The following CLEC4C variants were observed in gnomAD, a reference collection of about 807,000 sequenced individuals.
CLEC4C encodes C-type (calcium dependent, carbohydrate-recognition domain) lectin, superfamily member 11.
A neutral mutation model predicts 27.7 loss-of-function variants in CLEC4C; 17 were observed. That is an observed-to-expected ratio of 0.61 (90% CI 0.42 to 0.92). The LOEUF (loss-of-function observed/expected upper bound fraction) is 0.92. Among genes scored for constraint, CLEC4C ranks in the 40% least tolerant of loss-of-function variants. The pLI is 0.00. For synonymous variants in CLEC4C, 80 were observed against 80.8 expected (o/e 0.99, Z 0.06); for missense variants, 244 against 257.3 (o/e 0.95, Z 0.35).
At chr12:7,738,882 A>G (rs1864788102) in intron 3 of CLEC4C, among the ~76,000 whole-genome samples, 3 of 152,264 alleles carry the variant, frequency 2.0e-5, no homozygotes, top group Middle Eastern at 3.4e-3. Context: ...TTACATATGT[A>G]TACATGTGCC....
intron 2 of CLEC4C, among the ~76,000 whole-genome samples, chr12:7,744,298 G>A (rs934933195): frequency 2.0e-5 from 3 of 152,214 alleles, no homozygotes; most frequent in Non-Finnish European, 2.9e-5. Context: ...TTTAACTTTA[G>A]TAATAATTCT....
rs138750028 is a variant in CLEC4C at position 7,744,232 on chromosome 12, A to G, written c.124+2099T>C. 5.6e-3 allele frequency among the ~76,000 whole-genome samples: 850 copies of G among 152,316 alleles called. 2 individuals carry two copies. Among genetic ancestry groups the G allele is most frequent in the Non-Finnish European group, 8.8e-3 (599 of 68,018 alleles). On this transcript the variant is annotated intron_variant, in intron 2 of 5. Transcript: ENST00000360345. Reference sequence around the variant, plus strand: ...TGGAAGGGACAACTATCCCAACCATATCACATCTTTAAGCCCTTTTGTCTC... The same window carrying G: ...TGGAAGGGACAACTATCCCAACCATGTCACATCTTTAAGCCCTTTTGTCTC...
intron 4 of CLEC4C, among the ~76,000 whole-genome samples, chr12:7,732,428 T>C (rs1864617885): frequency 6.6e-6 from 1 of 151,526 alleles, no homozygotes; most frequent in South Asian, 2.1e-4. Context: ...CTCGGCTCAC[T>C]GCAACCTCCA....
intron 3 of CLEC4C, among the ~76,000 whole-genome samples, chr12:7,741,060 C>T (rs1181469738): frequency 5.3e-5 from 8 of 152,178 alleles, no homozygotes; most frequent in Admixed American, 3.3e-4. Context: ...GATCTCCTGA[C>T]CTCGTGATCC....
rs1864540684 is a variant in CLEC4C, at chr12:7,729,565, C to T, written c.*31G>A. On this transcript the variant is annotated 3_prime_UTR_variant, in exon 6 of 6. Coordinates refer to ENST00000360345, the MANE Select transcript of CLEC4C (RefSeq NM_001371390.1). ...AGCTTTCTACAACGGTGGATGCCAA[C>T]CCAAACACATTTCCAGGGAGAATAT... The T allele has an allele frequency of 1.2e-6, 2 of 1,604,648 alleles. No individual in the cohort carries two copies. The highest frequency in any genetic ancestry group is 1.3e-5 in the African/African-American group (1 of 74,760).
At chr12:7,735,506 GAAAAA>G (rs74982387) in intron 4 of CLEC4C, among the ~76,000 whole-genome samples, 2 of 80,434 alleles carry the variant, frequency 2.5e-5, no homozygotes, top group Non-Finnish European at 4.7e-5. Context: ...CTGTCTCAAA[GAAAAA>G]AAAAAAAAAA....
upstream of CLEC4C, chr12:7,749,329 G>A (rs980665990): frequency 1.3e-5 from 2 of 151,864 alleles, no homozygotes; most frequent in South Asian, 2.1e-4. Flanking sequence ...TGAGGTGGGC[G>A]GATTGCTTCA....
At chr12:7,736,481 TCATTTTTC>T (rs1163964950) in intron 4 of CLEC4C, among the ~76,000 whole-genome samples, 2 of 152,214 alleles carry the variant, frequency 1.3e-5, no homozygotes, top group Non-Finnish European at 2.9e-5. Context: ...AATATTAATA[TCATTTTTC>T]CATTTTTCAA....
Position 7,732,603 on chromosome 12 carries a change from C to T in CLEC4C, c.382-1691G>A, listed in dbSNP as rs897751367. 5.4e-5 allele frequency among the ~76,000 whole-genome samples: 8 copies of T among 147,140 alleles called. 1 individual carries two copies. The highest frequency in any genetic ancestry group is 7.6e-5 in the African/African-American group (3 of 39,682). ...TCCTGACCTTGTGATCCACCCTCCTCGGCCTTCCAAAGTGCTGGGATTACA... is the reference window on the plus strand; with the variant it reads ...TCCTGACCTTGTGATCCACCCTCCTTGGCCTTCCAAAGTGCTGGGATTACA... On this transcript the variant is annotated intron_variant, in intron 4 of 5. Transcript: ENST00000360345.
At chr12:7,736,637 G>A (rs753078604) in intron 4 of CLEC4C, among the ~76,000 whole-genome samples, 1 of 152,174 alleles carries the variant, frequency 6.6e-6, no homozygotes, top group East Asian at 1.9e-4. Flanking sequence ...AGCCAGACGT[G>A]GTGGCTCACA....
In CLEC4C at chr12:7,729,509, A is replaced by C; in HGVS notation, c.*87T>G. The C allele has an allele frequency of 7.6e-7, 1 of 1,310,954 alleles. No homozygotes were observed. Among genetic ancestry groups the C allele is most frequent in the Non-Finnish European group, 1.1e-6 (1 of 938,748 alleles). 81.2% of individuals were successfully genotyped at this position (1,310,954 alleles called of 1,614,324 possible). A position where few individuals can be genotyped will look rare whatever the true frequency, so the allele number is the denominator to read the frequency against. On this transcript the variant is annotated 3_prime_UTR_variant, in exon 6 of 6. Transcript: ENST00000360345. Reference sequence around the variant, plus strand: ...AACATTTTAGGGGCATTCCTTGTACAAAACTTACACATAAATTAAAAAATC... The same window carrying C: ...AACATTTTAGGGGCATTCCTTGTACCAAACTTACACATAAATTAAAAAATC...
At chr12:7,729,885 A>G in intron 5 of CLEC4C, 145 bp from the exon 6 acceptor site, 1 of 702,838 alleles carries the variant, frequency 1.4e-6, no homozygotes, top group Non-Finnish European at 2.4e-6. Context: ...CACGTTTTGT[A>G]AAACCTCATG....
intron 3 of CLEC4C, among the ~76,000 whole-genome samples, chr12:7,740,981 C>T (rs913987869): frequency 9.9e-5 from 15 of 151,824 alleles, no homozygotes; most frequent in Admixed American, 3.3e-4. Context: ...GCTGGGACTA[C>T]AGGCGCCTGC....
chr12:7,735,968 T>C (rs1449130011), intron 4 of CLEC4C, among the ~76,000 whole-genome samples: 3 of 151,774 alleles, frequency 2.0e-5, no homozygotes. Context: ...AATAGCAGGA[T>C]AGACATAGTT....
At chr12:7,730,725 T>C in intron 5 of CLEC4C, 72 bp downstream of exon 5, 1 of 749,116 alleles carries the variant, frequency 1.3e-6, no homozygotes, top group Non-Finnish European at 2.3e-6. Flanking sequence ...TTTGTTTGCT[T>C]AATAGCTGAT....
intron 2 of CLEC4C, among the ~76,000 whole-genome samples, chr12:7,745,645 C>G (rs1378590886): frequency 1.3e-5 from 2 of 151,308 alleles, no homozygotes; most frequent in Admixed American, 1.3e-4. Flanking sequence ...ATGGTCCAAG[C>G]TGGTCTTGAA....
upstream of CLEC4C, chr12:7,747,589 G>C: frequency 2.8e-6 from 1 of 351,200 alleles, no homozygotes. Flanking sequence ...CAAGGAAATC[G>C]AGAAATACAT....
intron 2 of CLEC4C, among the ~76,000 whole-genome samples, chr12:7,742,810 AAAATAAATAAAT>A (rs71038739): frequency 0.15 from 22,475 of 145,046 alleles, 1,840 homozygotes; most frequent in East Asian, 0.31. Flanking sequence ...CTCCATCTCA[AAAATAAATAAAT>A]AAATAAATAA....
At chr12:7,746,201 G>A (rs779283746) in intron 2 of CLEC4C, 130 bp downstream of exon 2, 145 of 587,848 alleles carry the variant, frequency 2.5e-4, no homozygotes, top group Admixed American at 8.2e-4. Context: ...GCGACAGAGC[G>A]AGATTCCGTC....
Sources: gnomAD v4.1 joint callset for allele counts (sites outside exome capture counted in the v4.1 genomes callset) on GRCh38, gnomAD v4.1.1 for gene constraint, MANE v1.5 for transcripts, NCBI Gene and HGNC (gene_info 2026-07-23, HGNC 2026-07-21) for gene names.